Variants in ANKRD22 observed in about 807,000 individuals in gnomAD.
ANKRD22 encodes ankyrin repeat domain 22.
In ANKRD22, 24 loss-of-function variants were observed where a neutral mutation model predicts 25.7. That is an observed-to-expected ratio of 0.93 (90% CI 0.68 to 1.31). The LOEUF (loss-of-function observed/expected upper bound fraction) is 1.31, where lower values mean the gene tolerates loss of function less well. Among genes scored for constraint, ANKRD22 ranks in the 50% most tolerant of loss-of-function variants. The pLI, the probability that ANKRD22 is intolerant of heterozygous loss-of-function variation, is 0.00. For synonymous variants in ANKRD22, 84 were observed against 84.3 expected, an observed-to-expected ratio of 1.00 and a Z score of 0.02; for missense variants, 214 against 227.1, an observed-to-expected ratio of 0.94 and a Z score of 0.37.
rs1027042042 is a variant in ANKRD22, at chr10:88,822,852, G to T, written c.*89C>A. The T allele has an allele frequency of 8.2e-7, 1 of 1,212,396 alleles. No individual in the cohort carries two copies. Among genetic ancestry groups the T allele is most frequent in the Non-Finnish European group, 1.2e-6 (1 of 835,826 alleles). The allele number at this position is 1,212,396 out of a possible 1,614,324, so 75.1% of individuals were successfully genotyped here. A position where few individuals can be genotyped will look rare whatever the true frequency, so the allele number is the denominator to read the frequency against. On this transcript the variant is annotated 3_prime_UTR_variant, in exon 6 of 6. Coordinates refer to ENST00000371930, the MANE Select transcript of ANKRD22 (RefSeq NM_144590.3). ...ATCCCCATAAAATGGTGGCATCCAG[G>T]TTAAATGGCCCACAGACCAAAAGTC... is the stretch of plus-strand genomic sequence containing the variant.
Position 88,821,074 on chromosome 10 carries a change from A to C in ANKRD22, c.*1867T>G, listed in dbSNP as rs1425597847. 6.6e-6 allele frequency among the ~76,000 whole-genome samples: 1 copy of C among 152,246 alleles called. No individual in the cohort carries two copies. Among genetic ancestry groups the C allele is most frequent in the African/African-American group, 2.4e-5 (1 of 41,462 alleles). On this transcript the variant is annotated 3_prime_UTR_variant, in exon 6 of 6. Coordinates refer to ENST00000371930, the MANE Select transcript of ANKRD22 (RefSeq NM_144590.3). ...GTTGCATCTCAGGGAAGAAAATTTT[A>C]TAGGATGTTTATGAGTTCTCCAATA...
intron 1 of ANKRD22, among the ~76,000 whole-genome samples, chr10:88,838,883 G>A (rs183958181): frequency 4.9e-4 from 75 of 152,290 alleles, no homozygotes; most frequent in African/African-American, 1.7e-3. Flanking sequence ...GAGGAAAACA[G>A]ACTAGTAGGC....
chr10:88,828,759 TG>T, intron 2 of ANKRD22, 93 bp from the exon 3 acceptor site: 1 of 920,934 alleles, frequency 1.1e-6, no homozygotes, highest in East Asian at 2.6e-5. Flanking sequence ...TTGTGCTTTT[TG>T]TTTTTCCGGT....
In ANKRD22 at chr10:88,823,279, C is replaced by T. The variant is rs1313206826; in HGVS notation, c.498+1G>A. 2.5e-6 allele frequency: 4 copies of T among 1,610,090 alleles called. No individual in the cohort carries two copies. The highest frequency in any genetic ancestry group is 3.4e-6 in the Non-Finnish European group (4 of 1,176,524). On this transcript the variant is annotated splice_donor_variant, in intron 5 of 5. Coordinates refer to ENST00000371930, the MANE Select transcript of ANKRD22 (RefSeq NM_144590.3). LOFTEE classifies it high-confidence loss of function. ...TCAGACCACGGTCCACCCTCCCTTA[C>T]CTTATTCTTTATTGTGGGGTCTGCA... is the stretch of plus-strand genomic sequence containing the variant.
rs200451640 is a variant in ANKRD22 at position 88,832,505 on chromosome 10, ATGTCTT to A, written c.22-485_22-480del. On this transcript the variant is annotated intron_variant, in intron 1 of 5. Coordinates refer to ENST00000371930, the MANE Select transcript of ANKRD22 (RefSeq NM_144590.3). Reference sequence around the variant, plus strand: ...TATCTTTATCTTTAGTAAAGACAAAATGTCTTTATCTTTATCTTTACTAAAGATAAA... The same window carrying A: ...TATCTTTATCTTTAGTAAAGACAAAATATCTTTATCTTTACTAAAGATAAA... Among the ~76,000 whole-genome samples the A allele has an allele frequency of 9.4e-3, 1,394 of 148,526 alleles. 47 individuals carry two copies. In the East Asian group the frequency reaches 0.13, roughly 14 times the overall value.
chr10:88,850,405 T>C (rs576370486), intron 1 of ANKRD22, among the ~76,000 whole-genome samples: 2 of 152,190 alleles, frequency 1.3e-5, no homozygotes, highest in South Asian at 4.1e-4. Context: ...AGAAGATCTG[T>C]ATAGACATTA....
At chr10:88,825,863 A>G (rs1011478763) in intron 4 of ANKRD22, among the ~76,000 whole-genome samples, 175 bp downstream of exon 4, 4 of 152,234 alleles carry the variant, frequency 2.6e-5, no homozygotes, top group Non-Finnish European at 4.4e-5. Context: ...CCATGAGTTC[A>G]GCAGAATATA....
chr10:88,833,414 C>T (rs1564604414), intron 1 of ANKRD22, among the ~76,000 whole-genome samples: 2 of 152,228 alleles, frequency 1.3e-5, no homozygotes, highest in Non-Finnish European at 2.9e-5. Flanking sequence ...GTTATCTTAT[C>T]CATGTAAAAT....
At chr10:88,849,163 T>C (rs1483186598) in intron 1 of ANKRD22, among the ~76,000 whole-genome samples, 1 of 152,192 alleles carries the variant, frequency 6.6e-6, no homozygotes, top group Non-Finnish European at 1.5e-5. Flanking sequence ...ACCAAAAGTC[T>C]GTAAAAGATT....
In ANKRD22 at chr10:88,851,743, CT is replaced by C; in HGVS notation, c.-137del. ...AAGCTGGTGGCAAGCTCCAGGAGTGCTTTTCTAGCAAACACCTGTCAGTGCT... is the reference window on the plus strand; with the variant it reads ...AAGCTGGTGGCAAGCTCCAGGAGTGCTTTCTAGCAAACACCTGTCAGTGCT... On this transcript the variant is annotated 5_prime_UTR_variant, in exon 1 of 6. Coordinates refer to ENST00000371930, the MANE Select transcript of ANKRD22 (RefSeq NM_144590.3). 4.3e-6 allele frequency: 4 copies of C among 940,224 alleles called. No homozygotes were observed. The highest frequency in any genetic ancestry group is 1.9e-5 in the Admixed American group (1 of 53,542). 58.2% of individuals were successfully genotyped at this position (940,224 alleles called of 1,614,324 possible). A position where few individuals can be genotyped will look rare whatever the true frequency, so the allele number is the denominator to read the frequency against.
chr10:88,845,754 A>G (rs1402548238), intron 1 of ANKRD22, among the ~76,000 whole-genome samples: 1 of 152,142 alleles, frequency 6.6e-6, no homozygotes, highest in Non-Finnish European at 1.5e-5. Context: ...GCTTCCTTCC[A>G]AGATCCAGCT....
At chr10:88,825,002 C>G (rs1843838833) in intron 4 of ANKRD22, among the ~76,000 whole-genome samples, 1 of 87,938 alleles carries the variant, frequency 1.1e-5, no homozygotes, top group African/African-American at 3.3e-5. Flanking sequence ...CTCTCTCTCT[C>G]TCTCTCTCTC....
At chr10:88,825,663 T>G (rs1331270542) in intron 4 of ANKRD22, among the ~76,000 whole-genome samples, 1 of 152,186 alleles carries the variant, frequency 6.6e-6, no homozygotes, top group Admixed American at 6.5e-5. Flanking sequence ...GTAAAATAAG[T>G]TTACAACTTG....
chr10:88,838,764 T>C (rs1843978440), intron 1 of ANKRD22, among the ~76,000 whole-genome samples: 2 of 152,100 alleles, frequency 1.3e-5, no homozygotes, highest in African/African-American at 4.8e-5. Context: ...AGTAAGAAAT[T>C]GAACCATGGT....
rs1219786093 is a variant in ANKRD22 at position 88,820,075 on chromosome 10, G to A, written c.*2866C>T. 6.6e-6 allele frequency among the ~76,000 whole-genome samples: 1 copy of A among 152,160 alleles called. No homozygotes were observed. The highest frequency in any genetic ancestry group is 1.5e-5 in the Non-Finnish European group (1 of 68,022). The stretch of plus-strand genomic sequence containing the variant: ...TTAAGTAATTTTACCTTAAAGTAAG[G>A]GCGGGAACAGAAATTCTTAACAGAG... On this transcript the variant is annotated 3_prime_UTR_variant, in exon 6 of 6. Transcript: ENST00000371930.
At chr10:88,829,064 A>G (rs1235913691) in intron 2 of ANKRD22, among the ~76,000 whole-genome samples, 9 of 152,226 alleles carry the variant, frequency 5.9e-5, no homozygotes, top group Admixed American at 3.9e-4. Context: ...TGGTTTGTTC[A>G]TAGGAAAACT....
At chr10:88,847,229 T>A (rs556162957) in intron 1 of ANKRD22, among the ~76,000 whole-genome samples, 25 of 152,260 alleles carry the variant, frequency 1.6e-4, no homozygotes, top group African/African-American at 4.6e-4. Context: ...TTGAGTCATA[T>A]ATGGTGGTCA....
At chr10:88,828,783 T>A in intron 2 of ANKRD22, 117 bp from the exon 3 acceptor site, 1 of 673,404 alleles carries the variant, frequency 1.5e-6, no homozygotes, top group South Asian at 1.9e-5. Context: ...CCATGGCATC[T>A]TTTCCTGTGG....
intron 1 of ANKRD22, among the ~76,000 whole-genome samples, chr10:88,842,278 A>T (rs1257189044): frequency 6.6e-6 from 1 of 152,144 alleles, no homozygotes; most frequent in Non-Finnish European, 1.5e-5. Flanking sequence ...GCAATCTTAG[A>T]ACAAAAATAA....
Sources: gnomAD v4.1 joint callset for allele counts (sites outside exome capture counted in the v4.1 genomes callset) on GRCh38, gnomAD v4.1.1 for gene constraint, MANE v1.5 for transcripts, NCBI Gene and HGNC (gene_info 2026-07-23, HGNC 2026-07-21) for gene names.